Variants in ADAMTS18 observed in about 807,000 individuals in gnomAD.
ADAMTS18 encodes the protein A disintegrin and metalloproteinase with thrombospondin motifs 18.
ADAMTS18 carries 157 observed loss-of-function variants against 165.9 expected under a neutral mutation model. That is an observed-to-expected ratio of 0.95 (90% CI 0.83 to 1.08). ADAMTS18 has a LOEUF of 1.08. ADAMTS18 is among the 50% of genes least tolerant of loss of function. The pLI, the probability that ADAMTS18 is intolerant of heterozygous loss-of-function variation, is 0.00. For missense variants in ADAMTS18, 2,040 were observed against 1,534.0 expected (o/e 1.33, Z -5.51); for synonymous variants, 782 against 578.2 (o/e 1.35, Z -5.06).
intron 4 of ADAMTS18, among the ~76,000 whole-genome samples, chr16:77,366,807 A>T (rs969553505): frequency 1.3e-5 from 2 of 152,206 alleles, no homozygotes; most frequent in African/African-American, 4.8e-5. Context: ...ACTCTCTAAT[A>T]ATTTGTTATC....
chr16:77,305,519 C>G (rs1419386963), intron 16 of ADAMTS18, among the ~76,000 whole-genome samples: 1 of 152,190 alleles, frequency 6.6e-6, no homozygotes, highest in Non-Finnish European at 1.5e-5. Flanking sequence ...CGCTTCTAAG[C>G]ACAACGTCCT....
chr16:77,287,478 G>C (rs889907093), intron 22 of ADAMTS18, among the ~76,000 whole-genome samples: 1 of 152,036 alleles, frequency 6.6e-6, no homozygotes, highest in African/African-American at 2.4e-5. Context: ...ATGAGGCACA[G>C]AGAGAAACTC....
chr16:77,361,295 T>G (rs889422781), intron 7 of ADAMTS18, among the ~76,000 whole-genome samples: 3 of 152,134 alleles, frequency 2.0e-5, no homozygotes, highest in Non-Finnish European at 4.4e-5. Flanking sequence ...CATCAACTTT[T>G]AAAAAATGTT....
Position 77,363,830 on chromosome 16 carries a change from A to T in ADAMTS18, c.1028T>A (p.Val343Glu). Residue 343 changes from valine (V) to glutamate (E), a missense_variant, in exon 6 of 23, where the codon GTG becomes GAG. By Grantham distance (121) the Val-to-Glu change is moderately radical (BLOSUM62 -2). Coordinates refer to ENST00000282849, the MANE Select transcript of ADAMTS18 (RefSeq NM_199355.4). ...TIGSDINVVV[V>E]SLILLEQEPG... ...TTCTTGTTCCAGAAGAATTAGGCTCACCACAACCACGTTTATGTCACTTCC... is the reference window on the plus strand; with the variant it reads ...TTCTTGTTCCAGAAGAATTAGGCTCTCCACAACCACGTTTATGTCACTTCC... 1 of 1,613,964 alleles carries T rather than the reference A, an allele frequency of 6.2e-7. No individual in the cohort carries two copies. The highest frequency in any genetic ancestry group is 8.5e-7 in the Non-Finnish European group (1 of 1,179,910).
intron 3 of ADAMTS18, among the ~76,000 whole-genome samples, chr16:77,400,479 TG>T (rs1351609136): frequency 1.3e-4 from 15 of 117,912 alleles, no homozygotes; most frequent in East Asian, 4.0e-4. Context: ...TGTGTGTGTG[TG>T]TTTTGTTTTT....
At position 77,320,110 on chromosome 16, in the gene ADAMTS18, G is replaced by A; in HGVS notation, c.2288-17C>T. ...GATAATATTCTAAATGGAAAGAAGA[G>A]AACATGTCTGAATTCCACCCCATGC... On this transcript the variant is annotated splice_polypyrimidine_tract_variant and intron_variant, in intron 15 of 22. Coordinates refer to ENST00000282849, the MANE Select transcript of ADAMTS18 (RefSeq NM_199355.4). The A allele has an allele frequency of 1.9e-6, 3 of 1,613,942 alleles. No homozygotes were observed. Among genetic ancestry groups the A allele is most frequent in the Non-Finnish European group, 2.5e-6 (3 of 1,179,972 alleles).
chr16:77,421,575 C>G (rs568962624), intron 3 of ADAMTS18, among the ~76,000 whole-genome samples: 1 of 152,350 alleles, frequency 6.6e-6, no homozygotes, highest in East Asian at 1.9e-4. Context: ...TTCTAAGGCA[C>G]TGCCCTAGGC....
chr16:77,345,156 C>T (rs1443282988), intron 10 of ADAMTS18, among the ~76,000 whole-genome samples: 2 of 152,132 alleles, frequency 1.3e-5, no homozygotes, highest in African/African-American at 4.8e-5. Context: ...CAGTTGTATT[C>T]TATAGGCTGG....
chr16:77,305,844 C>G (rs1198980263), intron 16 of ADAMTS18, among the ~76,000 whole-genome samples: 1 of 152,184 alleles, frequency 6.6e-6, no homozygotes, highest in Admixed American at 6.5e-5. Context: ...TGCTAACTTC[C>G]TCTACGAATG....
chr16:77,423,837 T>C (rs1164940178), intron 3 of ADAMTS18, among the ~76,000 whole-genome samples: 1 of 152,170 alleles, frequency 6.6e-6, no homozygotes, highest in Admixed American at 6.5e-5. Context: ...AAAGTGTTCA[T>C]TTCCTGTTCT....
chr16:77,282,342 TTGC>T lies in ADAMTS18; in HGVS notation c.*1611_*1613del, dbSNP rs1326684184. On this transcript the variant is annotated 3_prime_UTR_variant, in exon 23 of 23. Coordinates refer to ENST00000282849, the MANE Select transcript of ADAMTS18 (RefSeq NM_199355.4). ...AATGATAATTATATAAAGAAATAACTTGCTGTTTTTCAGAAGGCAACGGGGTTG... is the reference window on the plus strand; with the variant it reads ...AATGATAATTATATAAAGAAATAACTTGTTTTTCAGAAGGCAACGGGGTTG... 1 of 152,090 alleles carries T rather than the reference TTGC, an allele frequency of 6.6e-6. No individual in the cohort carries two copies. The highest frequency in any genetic ancestry group is 2.4e-5 in the African/African-American group (1 of 41,448). The allele number at this position is 152,090 out of a possible 1,614,324, so 9.4% of individuals were successfully genotyped here. A position where few individuals can be genotyped will look rare whatever the true frequency, so the allele number is the denominator to read the frequency against.
chr16:77,396,942 G>C (rs10445083), intron 3 of ADAMTS18, among the ~76,000 whole-genome samples: 38,564 of 151,828 alleles, frequency 0.25, 5,030 homozygotes, highest in African/African-American at 0.27. Flanking sequence ...GAGTAGCTGG[G>C]ATTACAGGCG....
At chr16:77,428,225 G>A (rs1020718916) in intron 3 of ADAMTS18, among the ~76,000 whole-genome samples, 5 of 152,078 alleles carry the variant, frequency 3.3e-5, no homozygotes, top group African/African-American at 1.2e-4. Flanking sequence ...GGAGAAGGGT[G>A]GCTGTCTCTC....
intron 10 of ADAMTS18, among the ~76,000 whole-genome samples, chr16:77,346,622 ACT>A (rs2056481375): frequency 6.6e-6 from 1 of 152,162 alleles, no homozygotes; most frequent in South Asian, 2.1e-4. Flanking sequence ...GAAAATTGAG[ACT>A]CAGAGAAATT....
intron 3 of ADAMTS18, among the ~76,000 whole-genome samples, chr16:77,386,615 G>A (rs561000106): frequency 6.6e-6 from 1 of 152,064 alleles, no homozygotes; most frequent in Non-Finnish European, 1.5e-5. Context: ...TACTAGTCTG[G>A]TGCCTATGAA....
intron 22 of ADAMTS18, among the ~76,000 whole-genome samples, chr16:77,287,509 CA>C (rs1479278621): frequency 6.6e-6 from 1 of 151,940 alleles, no homozygotes; most frequent in African/African-American, 2.4e-5. Context: ...GACAGGGTCT[CA>C]AAAAAAGCCC....
At chr16:77,303,632 TA>T (rs36114579) in intron 16 of ADAMTS18, among the ~76,000 whole-genome samples, 139,494 of 150,848 alleles carry the variant, frequency 0.92, 64,546 homozygotes, top group African/African-American at 0.94. Flanking sequence ...GTCAAGACAA[TA>T]AAAAAAAAAA....
At chr16:77,397,074 G>C (rs1006964879) in intron 3 of ADAMTS18, among the ~76,000 whole-genome samples, 2 of 152,132 alleles carry the variant, frequency 1.3e-5, no homozygotes, top group African/African-American at 4.8e-5. Context: ...CTCCCAAAGT[G>C]CTGGAATTTT....
intron 3 of ADAMTS18, among the ~76,000 whole-genome samples, chr16:77,400,476 GTGTGTTTTGTT>G (rs1175919827): frequency 3.3e-5 from 4 of 120,242 alleles, no homozygotes; most frequent in African/African-American, 1.2e-4. Context: ...GTGTGTGTGT[GTGTGTTTTGTT>G]TTTTTTTTTT....
Sources: gnomAD v4.1 joint callset for allele counts (sites outside exome capture counted in the v4.1 genomes callset) on GRCh38, gnomAD v4.1.1 for gene constraint, MANE v1.5 for transcripts, NCBI Gene and HGNC (gene_info 2026-07-23, HGNC 2026-07-21) for gene names.